The following SMAGP variants were observed in gnomAD, a reference collection of about 807,000 sequenced individuals.
SMAGP encodes the protein small cell transmembrane and glycosylated protein.
Under a neutral mutation model 10.1 loss-of-function variants are expected in SMAGP, and 7 were observed. The observed-to-expected ratio is 0.70, with a 90% CI of 0.40 to 1.31. SMAGP has a LOEUF of 1.31. SMAGP is among the 50% of genes most tolerant of loss of function. The pLI is 0.01. For synonymous variants in SMAGP, 49 were observed against 47.2 expected, an observed-to-expected ratio of 1.04 and a Z score of -0.16; for missense variants, 113 against 116.5, an observed-to-expected ratio of 0.97 and a Z score of 0.14.
At chr12:51,248,470 T>C (rs1944805987) in intron 2 of SMAGP, among the ~76,000 whole-genome samples, 1 of 139,652 alleles carries the variant, frequency 7.2e-6, no homozygotes, top group African/African-American at 2.6e-5. Flanking sequence ...TCTCTCTCTC[T>C]CTCTCTAGGT....
intron 1 of SMAGP, chr12:51,269,568 G>C (rs1945007730): frequency 2.8e-6 from 1 of 363,540 alleles, no homozygotes; most frequent in Admixed American, 4.1e-5. Flanking sequence ...CCTTTCAATG[G>C]GCCACCAAAT....
chr12:51,247,449 C>T (rs937815711), intron 2 of SMAGP, among the ~76,000 whole-genome samples: 4 of 152,226 alleles, frequency 2.6e-5, no homozygotes, highest in East Asian at 1.9e-4. Context: ...AAACAGGCCT[C>T]TCCTCTACCC....
chr12:51,267,468 C>T (rs1944984953), intron 2 of SMAGP, among the ~76,000 whole-genome samples: 1 of 134,372 alleles, frequency 7.4e-6, no homozygotes, highest in Admixed American at 7.1e-5. Flanking sequence ...TGACCTATTC[C>T]CCCCCCCCAC....
intron 2 of SMAGP, among the ~76,000 whole-genome samples, chr12:51,265,527 T>G (rs1003513745): frequency 1.3e-5 from 2 of 152,214 alleles, no homozygotes; most frequent in Non-Finnish European, 2.9e-5. Context: ...ACAATATTAT[T>G]CAGCCTTGAA....
chr12:51,256,066 C>T (rs749056417), intron 2 of SMAGP, among the ~76,000 whole-genome samples: 36 of 152,158 alleles, frequency 2.4e-4, no homozygotes, highest in South Asian at 2.1e-4. Context: ...CTACCGTGCC[C>T]AACCCCTTTT....
At chr12:51,246,268 C>G (rs1237944695) in intron 3 of SMAGP, 149 bp from the exon 4 acceptor site, 6 of 1,132,424 alleles carry the variant, frequency 5.3e-6, no homozygotes, top group Middle Eastern at 2.9e-4. Context: ...CATGTTCCCC[C>G]ACCAACCCCA....
chr12:51,251,851 C>T (rs964941867), intron 2 of SMAGP, among the ~76,000 whole-genome samples: 28 of 152,062 alleles, frequency 1.8e-4, no homozygotes, highest in Non-Finnish European at 7.4e-5. Flanking sequence ...GAGGACTCCC[C>T]ACCCTCTTTA....
At chr12:51,269,499 G>A (rs1013860715) in intron 1 of SMAGP, 183 bp from the exon 2 acceptor site, 11 of 577,122 alleles carry the variant, frequency 1.9e-5, no homozygotes, top group Admixed American at 2.9e-5. Flanking sequence ...CTCCACAGGA[G>A]CAGGTCTGAG....
rs1944739797 is a variant in SMAGP, at chr12:51,244,613, C to A, written c.*1328G>T. 6.6e-6 allele frequency: 1 copy of A among 152,156 alleles called. No individual in the cohort carries two copies. Among genetic ancestry groups the A allele is most frequent in the African/African-American group, 2.4e-5 (1 of 41,414 alleles). 9.4% of individuals were successfully genotyped at this position (152,156 alleles called of 1,614,324 possible). The stretch of plus-strand genomic sequence containing the variant: ...TCCAAAGTGAACAATATCTGATGAG[C>A]TAATAATTTATACCAAAATGTGCCT... On this transcript the variant is annotated 3_prime_UTR_variant, in exon 4 of 4. Coordinates refer to ENST00000603798, the MANE Select transcript of SMAGP (RefSeq NM_001031628.2).
chr12:51,244,649 ACTTAT>A lies in SMAGP; in HGVS notation c.*1287_*1291del, dbSNP rs1944740620. On this transcript the variant is annotated 3_prime_UTR_variant, in exon 4 of 4. Coordinates refer to ENST00000603798, the MANE Select transcript of SMAGP (RefSeq NM_001031628.2). ...TACCAAAATGTGCCTTTTAAACACA[ACTTAT>A]CTTGAGACTAAAATCCAAGAAGCTT... is the stretch of plus-strand genomic sequence containing the variant. 3 of 152,120 alleles carry A rather than the reference ACTTAT, an allele frequency of 2.0e-5. No individual in the cohort carries two copies. Among genetic ancestry groups the A allele is most frequent in the African/African-American group, 4.8e-5 (2 of 41,400 alleles). The allele number at this position is 152,120 out of a possible 1,614,324, so 9.4% of individuals were successfully genotyped here.
At chr12:51,268,905 A>G (rs1025566199) in intron 2 of SMAGP, among the ~76,000 whole-genome samples, 2 of 152,058 alleles carry the variant, frequency 1.3e-5, no homozygotes. Context: ...CTTTTGAATT[A>G]GCAATGGGGT....
chr12:51,259,180 C>A (rs1386765093), intron 2 of SMAGP, among the ~76,000 whole-genome samples: 2 of 152,080 alleles, frequency 1.3e-5, no homozygotes, highest in African/African-American at 4.8e-5. Context: ...TATATACATA[C>A]ATATTTTTGG....
intron 2 of SMAGP, among the ~76,000 whole-genome samples, chr12:51,259,002 A>ACC (rs1944910386): frequency 6.7e-6 from 1 of 149,274 alleles, no homozygotes; most frequent in African/African-American, 2.5e-5. Context: ...AAAAAAAAAA[A>ACC]AAAAAAAAAC....
chr12:51,254,608 A>C (rs1012514537), intron 2 of SMAGP, among the ~76,000 whole-genome samples: 4 of 152,240 alleles, frequency 2.6e-5, no homozygotes, highest in African/African-American at 9.6e-5. Context: ...GACGTTAATT[A>C]GCGCTATGTA....
intron 2 of SMAGP, among the ~76,000 whole-genome samples, chr12:51,264,230 AT>A (rs1177680891): frequency 1.3e-5 from 2 of 152,212 alleles, no homozygotes; most frequent in African/African-American, 4.8e-5. Context: ...CTTTCTTCCT[AT>A]CTGTGATTTC....
chr12:51,246,208 C>G (rs11169777), intron 3 of SMAGP, 89 bp from the exon 4 acceptor site: 1 of 1,529,994 alleles, frequency 6.5e-7, no homozygotes, highest in Non-Finnish European at 8.8e-7. Flanking sequence ...TCACTGTTTT[C>G]GTAAAGATCC....
intron 2 of SMAGP, among the ~76,000 whole-genome samples, chr12:51,264,502 T>G (rs997252957): frequency 6.6e-6 from 1 of 152,086 alleles, no homozygotes; most frequent in African/African-American, 2.4e-5. Flanking sequence ...GGTGCACGCC[T>G]GCAGTCCCAG....
intron 3 of SMAGP, 115 bp downstream of exon 3, chr12:51,246,636 G>T: frequency 1.6e-6 from 1 of 635,510 alleles, no homozygotes; most frequent in Non-Finnish European, 2.6e-6. Flanking sequence ...GTGTGTGTGT[G>T]TGTAATATAA....
intron 2 of SMAGP, among the ~76,000 whole-genome samples, chr12:51,249,115 A>G (rs1300795384): frequency 1.3e-5 from 2 of 152,006 alleles, no homozygotes; most frequent in East Asian, 3.9e-4. Context: ...AAAAACAACT[A>G]GCTGAACATG....
Sources: allele counts gnomAD v4.1 joint callset (sites outside exome capture counted in the v4.1 genomes callset), GRCh38; gene constraint gnomAD v4.1.1; transcripts MANE v1.5; gene names NCBI Gene and HGNC (gene_info 2026-07-23, HGNC 2026-07-21).